Variants in TFAP2D observed in about 807,000 individuals in gnomAD.
TFAP2D encodes transcription factor AP-2-delta.
A neutral mutation model predicts 43.6 loss-of-function variants in TFAP2D; 9 were observed. The ratio of observed to expected loss-of-function variants is 0.21; its 90% CI spans 0.12 to 0.36. The LOEUF is 0.36. TFAP2D is among the 10% of genes least tolerant of loss of function. TFAP2D has a pLI of 1.00. For synonymous variants in TFAP2D, 256 were observed against 224.9 expected (o/e 1.14, Z -1.24); for missense variants, 513 against 561.4 (o/e 0.91, Z 0.87).
intron 5 of TFAP2D, among the ~76,000 whole-genome samples, chr6:50,744,604 A>G (rs1451617832): frequency 6.6e-6 from 1 of 152,172 alleles, no homozygotes; most frequent in Non-Finnish European, 1.5e-5. Context: ...GAAAGAACAA[A>G]GTTATTCATG....
At chr6:50,736,966 T>A (rs970646961) in intron 5 of TFAP2D, among the ~76,000 whole-genome samples, 3 of 152,174 alleles carry the variant, frequency 2.0e-5, no homozygotes, top group East Asian at 1.9e-4. Context: ...GCTTTATTCC[T>A]TTTTTTGTTT....
intron 7 of TFAP2D, among the ~76,000 whole-genome samples, chr6:50,770,944 A>C (rs1478413854): frequency 6.6e-6 from 1 of 152,132 alleles, no homozygotes; most frequent in Non-Finnish European, 1.5e-5. Flanking sequence ...ATGTTTTTCT[A>C]TATTATTATG....
chr6:50,719,230 C>T, intron 3 of TFAP2D, 80 bp downstream of exon 3: 1 of 1,423,474 alleles, frequency 7.0e-7, no homozygotes, highest in Non-Finnish European at 9.8e-7. Flanking sequence ...TGGTTGTGCT[C>T]AGATTCCTTT....
rs752685654 is a variant in TFAP2D at position 50,751,241 on chromosome 6, G to T, written c.1056G>T (p.Leu352Phe). The T allele has an allele frequency of 6.2e-7, 1 of 1,610,870 alleles. No homozygotes were observed. Among genetic ancestry groups the T allele is most frequent in the African/African-American group, 1.3e-5 (1 of 74,696 alleles). ...TCTGTAAAGAATTCCAAGACCTCTT[G>T]AGCCAAGATAGATCACCACTGGGAT... ...KQICKEFQDL[L>F]SQDRSPLGSS... The change falls in exon 7 of 8, where the codon TTG becomes TTT. Residue 352 changes from leucine to phenylalanine, a missense_variant. Leu to Phe is a conservative substitution (Grantham distance 22, BLOSUM62 0). This residue lies in a region of TFAP2D where 199 missense variants were observed against 227.9 expected (regional missense o/e 0.87). Transcript: ENST00000008391.
chr6:50,720,729 G>C (rs1385257626), intron 3 of TFAP2D, among the ~76,000 whole-genome samples: 1 of 152,010 alleles, frequency 6.6e-6, no homozygotes, highest in Non-Finnish European at 1.5e-5. Flanking sequence ...TGCTGATCAG[G>C]GGTCTGTTGG....
chr6:50,717,068 GA>G (rs1208836194), intron 2 of TFAP2D, among the ~76,000 whole-genome samples: 3 of 152,118 alleles, frequency 2.0e-5, no homozygotes, highest in East Asian at 3.9e-4. Flanking sequence ...TCTCAAGAGG[GA>G]AAAAAATCTG....
At chr6:50,759,175 AT>A (rs1296238633) in intron 7 of TFAP2D, among the ~76,000 whole-genome samples, 1 of 152,024 alleles carries the variant, frequency 6.6e-6, no homozygotes, top group Non-Finnish European at 1.5e-5. Flanking sequence ...AGTTTGGTTA[AT>A]TTTTATTTAA....
rs1769557584 is a variant in TFAP2D at position 50,772,958 on chromosome 6, A to T, written c.*94A>T. Reference sequence around the variant, plus strand: ...AGGGTGACTAATCTTCAGTGGACCAAATCTCTACCCTTCCCCAACCCTCCA... The same window carrying T: ...AGGGTGACTAATCTTCAGTGGACCATATCTCTACCCTTCCCCAACCCTCCA... On this transcript the variant is annotated 3_prime_UTR_variant, in exon 8 of 8. Transcript: ENST00000008391. The T allele has an allele frequency of 2.6e-6, 3 of 1,175,986 alleles. No homozygotes were observed. The Admixed American group carries it at 7.0e-5, about 27-fold the overall frequency. 72.8% of individuals were successfully genotyped at this position (1,175,986 alleles called of 1,614,324 possible). A position where few individuals can be genotyped will look rare whatever the true frequency, so the allele number is the denominator to read the frequency against.
intron 3 of TFAP2D, 106 bp from the exon 4 acceptor site, chr6:50,728,750 T>A (rs964943162): frequency 1.8e-6 from 2 of 1,108,782 alleles, no homozygotes; most frequent in Admixed American, 4.0e-5. Flanking sequence ...GTACAACTGT[T>A]AGCATGTATT....
intron 3 of TFAP2D, among the ~76,000 whole-genome samples, chr6:50,719,382 C>T (rs527714245): frequency 1.3e-5 from 2 of 151,652 alleles, no homozygotes; most frequent in South Asian, 2.1e-4. Context: ...ATATTTGTTG[C>T]TCCTCACAGA....
chr6:50,731,841 T>C (rs998426268), intron 5 of TFAP2D, among the ~76,000 whole-genome samples: 2 of 152,054 alleles, frequency 1.3e-5, no homozygotes, highest in African/African-American at 4.8e-5. Flanking sequence ...AATTAGATCA[T>C]GGCCCCTGGA....
chr6:50,757,854 TA>T (rs1274498748), intron 7 of TFAP2D, among the ~76,000 whole-genome samples: 1 of 138,112 alleles, frequency 7.2e-6, no homozygotes, highest in African/African-American at 2.7e-5. Context: ...TATAAACTTA[TA>T]ATATACAAGA....
rs748000192 is a variant in TFAP2D at position 50,714,124 on chromosome 6, T to C, written c.39+30T>C. The C allele has an allele frequency of 6.9e-5, 101 of 1,460,400 alleles. No individual in the cohort carries two copies. In the Middle Eastern group the frequency reaches 9.7e-4, roughly 14 times the overall value. 90.5% of individuals were successfully genotyped at this position (1,460,400 alleles called of 1,614,324 possible). On this transcript the variant is annotated intron_variant, in intron 1 of 7. Transcript: ENST00000008391. Reference sequence around the variant, plus strand: ...TATTACTTTTTTTTTTTTTTTTTTTTGAGCGCGCGTGTGTGTGGCGGCGGC... The same window carrying C: ...TATTACTTTTTTTTTTTTTTTTTTTCGAGCGCGCGTGTGTGTGGCGGCGGC...
At chr6:50,725,913 C>G (rs1303695044) in intron 3 of TFAP2D, among the ~76,000 whole-genome samples, 1 of 152,074 alleles carries the variant, frequency 6.6e-6, no homozygotes, top group Non-Finnish European at 1.5e-5. Flanking sequence ...TGCCAGGTAT[C>G]AAAGCAACAG....
chr6:50,764,158 C>T (rs995694107), intron 7 of TFAP2D, among the ~76,000 whole-genome samples: 5 of 152,060 alleles, frequency 3.3e-5, no homozygotes, highest in African/African-American at 1.2e-4. Flanking sequence ...CAGGATTTCT[C>T]AAAGATTAAA....
intron 7 of TFAP2D, among the ~76,000 whole-genome samples, chr6:50,755,213 C>T (rs1769247317): frequency 6.6e-6 from 1 of 151,876 alleles, no homozygotes; most frequent in African/African-American, 2.4e-5. Context: ...ACATGATTGG[C>T]ATTTCCAATT....
chr6:50,752,798 T>C (rs1346296315), intron 7 of TFAP2D, among the ~76,000 whole-genome samples: 1 of 151,878 alleles, frequency 6.6e-6, no homozygotes, highest in East Asian at 1.9e-4. Context: ...CCAGATGCTA[T>C]GAGCAAAAGG....
chr6:50,743,663 C>T (rs10456147), intron 5 of TFAP2D, among the ~76,000 whole-genome samples: 38,543 of 151,906 alleles, frequency 0.25, 5,473 homozygotes, highest in East Asian at 0.43. Flanking sequence ...AGCATCTTTA[C>T]TAAGGATATT....
chr6:50,766,649 GCTTT>G (rs1561942299), intron 7 of TFAP2D, among the ~76,000 whole-genome samples: 4 of 80,788 alleles, frequency 5.0e-5, no homozygotes, highest in Non-Finnish European at 1.0e-4. Context: ...CCATGAGATT[GCTTT>G]CTTTTTTTTT....
Sources: allele counts gnomAD v4.1 joint callset (sites outside exome capture counted in the v4.1 genomes callset), GRCh38; gene constraint gnomAD v4.1.1; regional missense constraint gnomAD v4.1.1; transcripts MANE v1.5; gene names NCBI Gene and HGNC (gene_info 2026-07-23, HGNC 2026-07-21).